SHC3: variants seen among roughly 807,000 people sequenced by gnomAD.
The protein encoded by SHC3 is SHC adaptor protein 3.
In SHC3, 15 loss-of-function variants were observed where a neutral mutation model predicts 60.4. That is an observed-to-expected ratio of 0.25 (90% CI 0.17 to 0.38). The LOEUF is 0.38. SHC3 is among the 10% of genes least tolerant of loss of function. SHC3 has a pLI of 1.00. For missense variants in SHC3, 677 were observed against 786.1 expected, an observed-to-expected ratio of 0.86 and a Z score of 1.66; for synonymous variants, 294 against 325.9, an observed-to-expected ratio of 0.90 and a Z score of 1.05.
chr9:89,058,607 C>T (rs576479570), intron 6 of SHC3, among the ~76,000 whole-genome samples: 6 of 116,742 alleles, frequency 5.1e-5, no homozygotes, highest in South Asian at 3.2e-4. Flanking sequence ...GGTGTTAGGA[C>T]GTGGTGGAGG....
chr9:89,151,211 G>A (rs1019198020), intron 1 of SHC3, among the ~76,000 whole-genome samples: 1 of 152,028 alleles, frequency 6.6e-6, no homozygotes, highest in African/African-American at 2.4e-5. Flanking sequence ...GTAGACATGA[G>A]GTCTCACTAT....
Position 89,076,322 on chromosome 9 carries a change from C to T in SHC3, c.610-1094G>A, listed in dbSNP as rs766730948. 6.6e-5 allele frequency among the ~76,000 whole-genome samples: 10 copies of T among 152,272 alleles called. No homozygotes were observed. The South Asian group carries it at 1.0e-3, about 16-fold the overall frequency. On this transcript the variant is annotated intron_variant, in intron 3 of 11. Transcript: ENST00000375835. ...CCGAAACCCAGCTGCCCTGTGGGTGCGTGAAAGTCCCCAAGCTCTGAAGAC... is the reference window on the plus strand; with the variant it reads ...CCGAAACCCAGCTGCCCTGTGGGTGTGTGAAAGTCCCCAAGCTCTGAAGAC...
intron 11 of SHC3, among the ~76,000 whole-genome samples, chr9:89,035,860 T>TATATATA (rs1336399611): frequency 1.6e-4 from 16 of 100,378 alleles, no homozygotes; most frequent in Admixed American, 3.9e-4. Context: ...GATGTGTGTG[T>TATATATA]GTGTGTGTGT....
chr9:89,057,779 A>T (rs2117947532), intron 6 of SHC3, among the ~76,000 whole-genome samples: 1 of 152,290 alleles, frequency 6.6e-6, no homozygotes, highest in African/African-American at 2.4e-5. Flanking sequence ...TCTGTAGTGG[A>T]TTGAAGGGTG....
chr9:89,041,179 C>T (rs1353153353), intron 10 of SHC3, among the ~76,000 whole-genome samples: 1 of 152,204 alleles, frequency 6.6e-6, no homozygotes. Context: ...CTCTTGTGAG[C>T]TTGTGATGCT....
intron 2 of SHC3, among the ~76,000 whole-genome samples, chr9:89,101,619 AT>A (rs770939456): frequency 1.3e-5 from 2 of 150,378 alleles, no homozygotes; most frequent in African/African-American, 4.9e-5. Context: ...ATATATATAT[AT>A]TTTTTTTAAT....
chr9:89,120,764 G>A (rs987322476), intron 1 of SHC3, among the ~76,000 whole-genome samples: 4 of 151,912 alleles, frequency 2.6e-5, no homozygotes, highest in African/African-American at 9.7e-5. Flanking sequence ...CCATAATTCC[G>A]AGAGATAAAA....
intron 11 of SHC3, among the ~76,000 whole-genome samples, chr9:89,026,118 G>T (rs1826294122): frequency 6.6e-6 from 1 of 152,080 alleles, no homozygotes; most frequent in Non-Finnish European, 1.5e-5. Flanking sequence ...AGCTGGGCGT[G>T]GTGGTGCATG....
At chr9:89,046,083 C>A (rs1220162390) in intron 8 of SHC3, among the ~76,000 whole-genome samples, 3 of 127,540 alleles carry the variant, frequency 2.4e-5, no homozygotes, top group African/African-American at 8.7e-5. Flanking sequence ...ACCCCCCCCA[C>A]CCCTCCCGAA....
chr9:89,089,485 C>T (rs571789759), intron 2 of SHC3, among the ~76,000 whole-genome samples: 1 of 152,268 alleles, frequency 6.6e-6, no homozygotes, highest in East Asian at 1.9e-4. Flanking sequence ...GACCTTAAAG[C>T]TCACACACCA....
chr9:89,156,021 G>A (rs1826617640), intron 1 of SHC3, among the ~76,000 whole-genome samples: 1 of 152,158 alleles, frequency 6.6e-6, no homozygotes, highest in African/African-American at 2.4e-5. Flanking sequence ...GAGGCCTCCT[G>A]GCATTTGTGC....
At chr9:89,083,418 T>G (rs990887353) in intron 2 of SHC3, among the ~76,000 whole-genome samples, 2 of 152,064 alleles carry the variant, frequency 1.3e-5, no homozygotes, top group African/African-American at 4.8e-5. Flanking sequence ...TGGGGCCAGG[T>G]GTACAGAATC....
intron 2 of SHC3, among the ~76,000 whole-genome samples, chr9:89,081,531 C>T (rs765132724): frequency 2.6e-5 from 4 of 151,708 alleles, no homozygotes; most frequent in Non-Finnish European, 5.9e-5. Context: ...GCCTCTGAAC[C>T]TCCCCCTGCT....
At chr9:89,038,344 A>T (rs1824619653) in intron 10 of SHC3, 56 bp from the exon 11 acceptor site, 51 of 28,422 alleles carry the variant, frequency 1.8e-3, no homozygotes, top group Non-Finnish European at 3.4e-3. Context: ...GCAAATGATA[A>T]AAAAAAAAAA....
chr9:89,042,289 C>T, intron 9 of SHC3, 105 bp from the exon 10 acceptor site: 1 of 1,213,422 alleles, frequency 8.2e-7, no homozygotes, highest in Non-Finnish European at 1.1e-6. Context: ...GAAACCTCCT[C>T]CTTCGGATTC....
chr9:89,018,886 T>C (rs1826148628), intron 11 of SHC3, among the ~76,000 whole-genome samples: 1 of 151,462 alleles, frequency 6.6e-6, no homozygotes, highest in African/African-American at 2.4e-5. Flanking sequence ...TGTAACCCCA[T>C]CTCTACCAAC....
At chr9:89,084,487 C>T (rs1825496037) in intron 2 of SHC3, among the ~76,000 whole-genome samples, 1 of 152,110 alleles carries the variant, frequency 6.6e-6, no homozygotes, top group Non-Finnish European at 1.5e-5. Context: ...AAAAGTAAAG[C>T]CCAACAGAGA....
At chr9:89,085,740 C>T (rs904851980) in intron 2 of SHC3, among the ~76,000 whole-genome samples, 2 of 152,210 alleles carry the variant, frequency 1.3e-5, no homozygotes, top group African/African-American at 4.8e-5. Context: ...ACTGAACCCA[C>T]CTCCCAAAGA....
chr9:89,058,961 TG>T (rs1253079119), intron 6 of SHC3, among the ~76,000 whole-genome samples: 1 of 143,336 alleles, frequency 7.0e-6, no homozygotes. Context: ...GAAGACATGG[TG>T]GAGGACAGTA....
Sources: gnomAD v4.1 joint callset for allele counts (sites outside exome capture counted in the v4.1 genomes callset) on GRCh38, gnomAD v4.1.1 for gene constraint, MANE v1.5 for transcripts, NCBI Gene and HGNC (gene_info 2026-07-23, HGNC 2026-07-21) for gene names.